The following NCAM2 variants were observed in gnomAD, a reference collection of about 807,000 sequenced individuals.
NCAM2 encodes the protein N-CAM-2.
A neutral mutation model predicts 98.1 loss-of-function variants in NCAM2; 30 were observed. The ratio of observed to expected loss-of-function variants is 0.31; its 90% CI spans 0.23 to 0.41. The LOEUF is 0.41. Ranked by LOEUF, NCAM2 falls within the 10% of genes least tolerant of loss-of-function variation. The pLI, the probability that NCAM2 is intolerant of heterozygous loss-of-function variation, is 1.00. For missense variants in NCAM2, 867 were observed against 1,005.8 expected, an observed-to-expected ratio of 0.86 and a Z score of 1.87; for synonymous variants, 368 against 342.4, an observed-to-expected ratio of 1.07 and a Z score of -0.83.
intron 5 of NCAM2, among the ~76,000 whole-genome samples, chr21:21,303,404 C>T (rs1384284615): frequency 6.6e-6 from 1 of 151,784 alleles, no homozygotes; most frequent in East Asian, 1.9e-4. Context: ...ACCCTTTTTT[C>T]ACTCAAAAAT....
intron 1 of NCAM2, among the ~76,000 whole-genome samples, chr21:21,158,593 G>A (rs2067684233): frequency 7.4e-6 from 1 of 135,418 alleles, no homozygotes; most frequent in Non-Finnish European, 1.6e-5. Flanking sequence ...GACAGAGTGA[G>A]ACACCGTCCC....
intron 15 of NCAM2, among the ~76,000 whole-genome samples, chr21:21,507,038 T>C (rs1404500746): frequency 1.3e-5 from 2 of 148,782 alleles, no homozygotes; most frequent in Non-Finnish European, 3.0e-5. Flanking sequence ...AATTGAATGA[T>C]TTTTTTTTTC....
chr21:21,205,387 T>C (rs2069400336), intron 1 of NCAM2, among the ~76,000 whole-genome samples: 1 of 152,184 alleles, frequency 6.6e-6, no homozygotes, highest in Admixed American at 6.6e-5. Context: ...AATCAGAATC[T>C]GATGGAGTGT....
intron 16 of NCAM2, among the ~76,000 whole-genome samples, chr21:21,512,219 A>G (rs555848118): frequency 2.0e-5 from 3 of 152,036 alleles, no homozygotes; most frequent in Admixed American, 2.0e-4. Flanking sequence ...GTACTTTCAT[A>G]GATTTGGTCT....
chr21:21,077,946 G>C (rs1012632572), intron 1 of NCAM2, among the ~76,000 whole-genome samples: 10 of 152,094 alleles, frequency 6.6e-5, no homozygotes, highest in African/African-American at 2.4e-4. Context: ...AGTAAATTTT[G>C]GAGGTTACTT....
chr21:21,090,434 C>G (rs751924495), intron 1 of NCAM2, among the ~76,000 whole-genome samples: 2 of 151,992 alleles, frequency 1.3e-5, no homozygotes, highest in Non-Finnish European at 2.9e-5. Context: ...CAGTTTTATT[C>G]TTGTTATTTT....
In NCAM2 at chr21:21,390,593, C is replaced by A. The variant is rs543948346; in HGVS notation, c.1195+16580C>A. Reference sequence around the variant, plus strand: ...ATAAATGTATATAACTATTAGTGAACATCGTTTTAAAAAGAACAAATAACA... The same window carrying A: ...ATAAATGTATATAACTATTAGTGAAAATCGTTTTAAAAAGAACAAATAACA... On this transcript the variant is annotated intron_variant, in intron 9 of 17. Transcript: ENST00000400546. 6.6e-5 allele frequency among the ~76,000 whole-genome samples: 10 copies of A among 152,096 alleles called. No homozygotes were observed. The East Asian group carries it at 1.5e-3, about 24-fold the overall frequency.
Position 21,534,030 on chromosome 21 carries a change from G to A in NCAM2, c.2283-507G>A, listed in dbSNP as rs28561712. On this transcript the variant is annotated intron_variant, in intron 16 of 17. Coordinates refer to ENST00000400546, the MANE Select transcript of NCAM2 (RefSeq NM_004540.5). ...TACAAATGGATAGACATATTTAAAA[G>A]AAGACAACACATACAAATTTTGTCT... 2.6e-3 allele frequency among the ~76,000 whole-genome samples: 389 copies of A among 152,002 alleles called. 4 individuals carry two copies. Among genetic ancestry groups the A allele is most frequent in the African/African-American group, 9.2e-3 (382 of 41,540 alleles).
At chr21:21,373,636 A>G (rs182408406) in intron 8 of NCAM2, among the ~76,000 whole-genome samples, 1 of 151,936 alleles carries the variant, frequency 6.6e-6, no homozygotes, top group East Asian at 1.9e-4. Context: ...TTTTATCATT[A>G]TACAGCCAGG....
intron 11 of NCAM2, among the ~76,000 whole-genome samples, chr21:21,420,763 A>G (rs1024548630): frequency 6.6e-6 from 1 of 151,960 alleles, no homozygotes; most frequent in Non-Finnish European, 1.5e-5. Flanking sequence ...AAGAGATTAC[A>G]TGGAAGGAAT....
At chr21:21,466,261 A>G (rs1322853101) in intron 12 of NCAM2, among the ~76,000 whole-genome samples, 1 of 152,024 alleles carries the variant, frequency 6.6e-6, no homozygotes, top group Non-Finnish European at 1.5e-5. Context: ...TACTTGAGAC[A>G]CATACAGAAT....
chr21:21,417,956 A>G (rs2077026714), intron 10 of NCAM2, among the ~76,000 whole-genome samples: 2 of 152,070 alleles, frequency 1.3e-5, no homozygotes, highest in Non-Finnish European at 2.9e-5. Context: ...AGGGAGAGAA[A>G]TATCACATAT....
intron 1 of NCAM2, among the ~76,000 whole-genome samples, chr21:21,004,258 A>G (rs1475969039): frequency 6.6e-6 from 1 of 152,146 alleles, no homozygotes; most frequent in Non-Finnish European, 1.5e-5. Context: ...GAGGCCTTAA[A>G]ATGAGAATAT....
intron 16 of NCAM2, among the ~76,000 whole-genome samples, chr21:21,523,911 A>T (rs1989171587): frequency 2.0e-5 from 1 of 49,274 alleles, no homozygotes; most frequent in African/African-American, 9.8e-5. Context: ...AATAGTTACA[A>T]ATATAGTATA....
intron 8 of NCAM2, among the ~76,000 whole-genome samples, chr21:21,371,865 GCA>G (rs5842919): frequency 0.29 from 43,180 of 147,878 alleles, 6,227 homozygotes; most frequent in East Asian, 0.55. Context: ...AAATGCGCGT[GCA>G]CACACACACA....
intron 1 of NCAM2, among the ~76,000 whole-genome samples, chr21:21,036,009 C>G (rs2064789828): frequency 6.6e-6 from 1 of 152,108 alleles, no homozygotes; most frequent in Non-Finnish European, 1.5e-5. Context: ...GTGAGTGCTT[C>G]CCACATAATT....
chr21:21,221,474 A>AG (rs2070155716), intron 1 of NCAM2, among the ~76,000 whole-genome samples: 1 of 74 alleles, frequency 0.014, no homozygotes, highest in Middle Eastern at 0.5. Context: ...GGAGGAAACT[A>AG]AAATGTACTC....
At chr21:21,033,662 G>A (rs147226513) in intron 1 of NCAM2, among the ~76,000 whole-genome samples, 11 of 152,168 alleles carry the variant, frequency 7.2e-5, no homozygotes, top group Admixed American at 7.2e-4. Flanking sequence ...TGAAGCAAAG[G>A]GTGGCTTATT....
At chr21:21,160,604 T>C (rs368531748) in intron 1 of NCAM2, among the ~76,000 whole-genome samples, 9 of 152,030 alleles carry the variant, frequency 5.9e-5, no homozygotes, top group Non-Finnish European at 1.3e-4. Context: ...ATCAGTAAAA[T>C]TGGATGAATC....
Sources: gnomAD v4.1 joint callset for allele counts (sites outside exome capture counted in the v4.1 genomes callset) on GRCh38, gnomAD v4.1.1 for gene constraint, MANE v1.5 for transcripts, NCBI Gene and HGNC (gene_info 2026-07-23, HGNC 2026-07-21) for gene names.